ZFHX3: variants seen among roughly 807,000 people sequenced by gnomAD.
The protein encoded by ZFHX3 is zinc finger homeobox 3.
ZFHX3 carries 42 observed loss-of-function variants against 279.1 expected under a neutral mutation model. That is an observed-to-expected ratio of 0.15 (90% confidence interval 0.12 to 0.19). The LOEUF is 0.19. ZFHX3 is among the 10% of genes least tolerant of loss of function. The pLI is 1.00. For synonymous variants in ZFHX3, 2,293 were observed against 1,957.8 expected, an observed-to-expected ratio of 1.17 and a Z score of -4.52; for missense variants, 4,981 against 4,754.0, an observed-to-expected ratio of 1.05 and a Z score of -1.40.
intron 5 of ZFHX3, among the ~76,000 whole-genome samples, chr16:72,815,834 C>A (rs1409364292): frequency 1.3e-5 from 2 of 152,136 alleles, no homozygotes; most frequent in African/African-American, 2.4e-5. Flanking sequence ...AACAAAAAAA[C>A]AAACAACTTG....
chr16:73,771,263 T>C (rs1027431739), intron 1 of ZFHX3, among the ~76,000 whole-genome samples: 1 of 152,134 alleles, frequency 6.6e-6, no homozygotes, highest in African/African-American at 2.4e-5. Context: ...CCAGGATGAA[T>C]CCTGGAAGTT....
intron 8 of ZFHX3, among the ~76,000 whole-genome samples, chr16:73,084,712 G>T (rs930830464): frequency 1.7e-4 from 26 of 151,718 alleles, no homozygotes; most frequent in African/African-American, 6.0e-4. Context: ...AGTAGAGATG[G>T]GGTTTCACCG....
At position 73,697,759 on chromosome 16, in the gene ZFHX3, CAA is replaced by C. The variant is rs35037276; in HGVS notation, c.-1607-17521_-1607-17520del. Among the ~76,000 whole-genome samples the C allele has an allele frequency of 4.5e-3, 673 of 150,520 alleles. 26 individuals are homozygous for C. The highest frequency in any genetic ancestry group is 0.037 in the Admixed American group (561 of 15,158). On this transcript the variant is annotated intron_variant, in intron 1 of 17. Transcript: ENST00000641206. ...TTTCACCACTTTTATTCTGTGGTCA[CAA>C]AAAAAAAAATAGAAACAATTCTAAA...
chr16:73,727,982 C>A (rs2053533711), intron 1 of ZFHX3, among the ~76,000 whole-genome samples: 1 of 149,804 alleles, frequency 6.7e-6, no homozygotes, highest in Non-Finnish European at 1.5e-5. Context: ...ATTAGAAATT[C>A]AGCTCCTTGG....
chr16:73,105,344 TATATATATACAC>T (rs1966283046), intron 7 of ZFHX3, among the ~76,000 whole-genome samples: 1 of 118,912 alleles, frequency 8.4e-6, no homozygotes, highest in Middle Eastern at 4.3e-3. Context: ...CACGTGTGTA[TATATATATACAC>T]ATATATATAC....
At chr16:72,941,363 G>C (rs1001224252) in intron 3 of ZFHX3, among the ~76,000 whole-genome samples, 1 of 152,158 alleles carries the variant, frequency 6.6e-6, no homozygotes, top group African/African-American at 2.4e-5. Flanking sequence ...GGAAGAAAAC[G>C]GGTTTCACAA....
chr16:73,119,819 C>T (rs977002362), intron 7 of ZFHX3, among the ~76,000 whole-genome samples: 31 of 152,074 alleles, frequency 2.0e-4, no homozygotes, highest in African/African-American at 1.7e-4. Flanking sequence ...GCTGGGACTA[C>T]AGGCGTGCAA....
At chr16:73,540,507 A>G (rs1484204800) in intron 2 of ZFHX3, among the ~76,000 whole-genome samples, 1 of 152,256 alleles carries the variant, frequency 6.6e-6, no homozygotes, top group East Asian at 1.9e-4. Flanking sequence ...CAGCCTTAAC[A>G]GAGAAAAAAG....
At chr16:73,200,351 C>T (rs1042274245) in intron 5 of ZFHX3, among the ~76,000 whole-genome samples, 6 of 151,866 alleles carry the variant, frequency 4.0e-5, no homozygotes, top group Admixed American at 3.3e-4. Context: ...GCCATAAAAC[C>T]CCTTCATGAA....
chr16:73,721,800 T>C (rs542121176), intron 1 of ZFHX3, among the ~76,000 whole-genome samples: 14 of 152,276 alleles, frequency 9.2e-5, no homozygotes, highest in African/African-American at 3.4e-4. Context: ...ATCCCAGCAC[T>C]TTGGGAGGCT....
At chr16:73,139,736 A>G (rs1311297666) in intron 6 of ZFHX3, among the ~76,000 whole-genome samples, 1 of 152,166 alleles carries the variant, frequency 6.6e-6, no homozygotes, top group African/African-American at 2.4e-5. Context: ...TTTCCATTGA[A>G]TCTTTATGCT....
At chr16:73,868,008 T>C (rs886267704) in intron 1 of ZFHX3, among the ~76,000 whole-genome samples, 2 of 152,208 alleles carry the variant, frequency 1.3e-5, no homozygotes, top group African/African-American at 2.4e-5. Context: ...TCCTTCTTCA[T>C]ACCTCCAGCC....
upstream of ZFHX3, among the ~76,000 whole-genome samples, chr16:73,052,659 G>A (rs969896368): frequency 6.6e-6 from 1 of 152,050 alleles, no homozygotes; most frequent in Non-Finnish European, 1.5e-5. Context: ...ATGCTGTTTC[G>A]TTTGTCTCTC....
intron 1 of ZFHX3, among the ~76,000 whole-genome samples, chr16:73,802,603 G>T (rs1960175510): frequency 6.6e-6 from 1 of 152,128 alleles, no homozygotes; most frequent in African/African-American, 2.4e-5. Flanking sequence ...GCTCTGCCTG[G>T]GGTAAGTGAC....
intron 1 of ZFHX3, among the ~76,000 whole-genome samples, chr16:72,989,976 C>A (rs1597061586): frequency 6.6e-6 from 1 of 152,196 alleles, no homozygotes; most frequent in African/African-American, 2.4e-5. Flanking sequence ...GAGGCCCAGA[C>A]CTTTCCCTAA....
At chr16:73,358,998 A>G (rs16971800) in intron 3 of ZFHX3, among the ~76,000 whole-genome samples, 7,755 of 152,284 alleles carry the variant, frequency 0.051, 635 homozygotes, top group African/African-American at 0.17. Flanking sequence ...TATTTAATAA[A>G]TGCTGCCTAT....
chr16:72,872,227 G>A (rs2038179665), intron 4 of ZFHX3, among the ~76,000 whole-genome samples: 1 of 152,080 alleles, frequency 6.6e-6, no homozygotes, highest in Admixed American at 6.5e-5. Flanking sequence ...TATTTCAGAT[G>A]ATATGCAAAT....
intron 1 of ZFHX3, among the ~76,000 whole-genome samples, chr16:73,783,499 A>G (rs1474333618): frequency 2.6e-5 from 4 of 152,244 alleles, no homozygotes; most frequent in Non-Finnish European, 1.5e-5. Flanking sequence ...GGTGGACAAC[A>G]GTCAAAATTC....
At chr16:73,749,660 G>T (rs999507375) in intron 1 of ZFHX3, among the ~76,000 whole-genome samples, 3 of 152,148 alleles carry the variant, frequency 2.0e-5, no homozygotes, top group Non-Finnish European at 4.4e-5. Context: ...TAACTGTGTT[G>T]GAGTGTCCCA....
Sources: gnomAD v4.1 joint callset for allele counts (sites outside exome capture counted in the v4.1 genomes callset) on GRCh38, gnomAD v4.1.1 for gene constraint, MANE v1.5 for transcripts, NCBI Gene and HGNC (gene_info 2026-07-23, HGNC 2026-07-21) for gene names.